SATL1: variants seen among roughly 807,000 people sequenced by gnomAD.
SATL1 encodes spermidine/spermine N(1)-acetyltransferase-like protein 1.
SATL1 carries 47 observed loss-of-function variants against 51.8 expected under a neutral mutation model. The observed-to-expected ratio is 0.91, with a 90% CI of 0.72 to 1.16. The LOEUF is 1.16. Among genes scored for constraint, SATL1 ranks in the 50% most tolerant of loss-of-function variants. The probability of loss-of-function intolerance (pLI) is 0.00; values close to 1 mark genes in which losing one functional copy is unlikely to be tolerated. For missense variants in SATL1, 520 were observed against 526.4 expected (o/e 0.99, Z 0.12); for synonymous variants, 176 against 182.4 (o/e 0.97, Z 0.28).
intron 4 of SATL1, among the ~76,000 whole-genome samples, chrX:85,095,618 A>C (rs1183594187): frequency 1.2e-4 from 13 of 107,408 alleles, no homozygotes; most frequent in Non-Finnish European, 2.3e-4. Context: ...CGAGGTCAGG[A>C]GATCGAGACC....
At chrX:85,092,963 T>C (rs1203504951) in intron 7 of SATL1, 4 of 358,098 alleles carry the variant, frequency 1.1e-5, no homozygotes, top group Admixed American at 5.0e-5. Context: ...AAAGGGTGTA[T>C]AGTGTGGTTG....
At chrX:85,218,282 A>C (rs1043476448) in intron 2 of SATL1, among the ~76,000 whole-genome samples, 40 of 111,772 alleles carry the variant, frequency 3.6e-4, no homozygotes, top group Non-Finnish European at 6.4e-4. Context: ...AACTTAAAAA[A>C]ATAAAATATT....
intron 1 of SATL1, among the ~76,000 whole-genome samples, chrX:85,232,274 C>T (rs780928660): frequency 2.9e-4 from 32 of 110,407 alleles, no homozygotes; most frequent in African/African-American, 8.9e-4. Flanking sequence ...CTGAATGGTG[C>T]CCAGGCAACA....
chrX:85,188,074 T>G (rs1314931545), intron 2 of SATL1, among the ~76,000 whole-genome samples: 1 of 111,704 alleles, frequency 9.0e-6, no homozygotes, highest in Non-Finnish European at 1.9e-5. Context: ...TCGGGTACAT[T>G]TTTAGCATAT....
At chrX:85,095,058 G>C in intron 4 of SATL1, 62 bp from the exon 5 acceptor site, 1 of 617,571 alleles carries the variant, frequency 1.6e-6, no homozygotes, top group East Asian at 3.5e-5. Flanking sequence ...GGAGATGGTG[G>C]ATAGGAAGCA....
intron 4 of SATL1, among the ~76,000 whole-genome samples, chrX:85,101,215 C>A (rs1462158458): frequency 8.9e-6 from 1 of 112,011 alleles, no homozygotes; most frequent in Admixed American, 9.4e-5. Context: ...AAAATAAAAT[C>A]TTTTGTATGT....
chrX:85,116,212 G>T (rs1200899913), intron 2 of SATL1: 1 of 111,312 alleles, frequency 9.0e-6, no homozygotes, highest in East Asian at 2.8e-4. Flanking sequence ...AATCCATGTG[G>T]GTCTGCAGAA....
In SATL1 at chrX:85,127,809, C is replaced by T. The variant is rs191839616; in HGVS notation, c.-312-18529G>A. Among the ~76,000 whole-genome samples, 652 of 110,353 alleles carry T rather than the reference C, an allele frequency of 5.9e-3. 2 individuals are homozygous for T. The highest frequency in any genetic ancestry group is 0.014 in the Middle Eastern group (3 of 216). On this transcript the variant is annotated intron_variant, in intron 2 of 7. Transcript: ENST00000644105. ...ATCCCTCCCCAGTTCCCCCACCCCA[C>T]GACAGGCCCCAGTGTGTGATGTTCC...
intron 2 of SATL1, among the ~76,000 whole-genome samples, chrX:85,133,319 C>T (rs957278823): frequency 1.1e-4 from 12 of 111,907 alleles, no homozygotes; most frequent in Non-Finnish European, 1.9e-4. Context: ...CCACCCAGTT[C>T]GAGCTTCCTG....
At chrX:85,133,420 A>G (rs1000873948) in intron 2 of SATL1, among the ~76,000 whole-genome samples, 3 of 111,545 alleles carry the variant, frequency 2.7e-5, no homozygotes, top group South Asian at 3.7e-4. Flanking sequence ...TTGGACTAGC[A>G]GTGAGCAAGG....
intron 2 of SATL1, chrX:85,210,354 GGAC>G (rs1317251620): frequency 2.0e-5 from 2 of 97,699 alleles, no homozygotes; most frequent in Admixed American, 2.4e-4. Context: ...GTTGGATCAA[GGAC>G]TGGGTTTGGA....
At chrX:85,161,643 A>G (rs1310395158) in intron 2 of SATL1, among the ~76,000 whole-genome samples, 1 of 111,348 alleles carries the variant, frequency 9.0e-6, no homozygotes, top group East Asian at 2.8e-4. Flanking sequence ...TATGCAGCCA[A>G]TACAGAAGCA....
intron 2 of SATL1, among the ~76,000 whole-genome samples, chrX:85,180,137 C>T (rs189067768): frequency 4.1e-4 from 45 of 110,845 alleles, no homozygotes; most frequent in African/African-American, 1.4e-3. Context: ...AATGCTTTAG[C>T]GAGGTCAAAA....
chrX:85,167,977 A>T (rs940432842), intron 2 of SATL1, among the ~76,000 whole-genome samples: 2 of 110,744 alleles, frequency 1.8e-5, no homozygotes, highest in African/African-American at 6.6e-5. Context: ...GGTTCAACAT[A>T]CACAAATCAA....
chrX:85,223,346 G>T (rs1034102132), intron 2 of SATL1, among the ~76,000 whole-genome samples: 1 of 111,209 alleles, frequency 9.0e-6, no homozygotes, highest in East Asian at 2.8e-4. Context: ...TCATTAGACT[G>T]GAAAAAGGAT....
intron 1 of SATL1, among the ~76,000 whole-genome samples, chrX:85,238,758 G>A (rs1396152929): frequency 9.0e-6 from 1 of 111,296 alleles, no homozygotes. Flanking sequence ...CTTGAGATGA[G>A]AGATACTCCA....
At chrX:85,128,216 C>T (rs1037359125) in intron 2 of SATL1, among the ~76,000 whole-genome samples, 7 of 111,511 alleles carry the variant, frequency 6.3e-5, no homozygotes, top group African/African-American at 9.8e-5. Flanking sequence ...CTTGAGGAAT[C>T]GCCACACTGT....
At chrX:85,215,503 T>G (rs1378712715) in intron 2 of SATL1, among the ~76,000 whole-genome samples, 1 of 112,027 alleles carries the variant, frequency 8.9e-6, no homozygotes, top group Admixed American at 9.5e-5. Flanking sequence ...AAATTTCAAC[T>G]TTAGGTCATC....
chrX:85,238,500 T>C (rs1261391207), intron 1 of SATL1, among the ~76,000 whole-genome samples: 1 of 111,269 alleles, frequency 9.0e-6, no homozygotes, highest in Non-Finnish European at 1.9e-5. Context: ...TTGTTGGAGC[T>C]AAAAATTAAA....
Sources: gnomAD v4.1 joint callset for allele counts (sites outside exome capture counted in the v4.1 genomes callset) on GRCh38, gnomAD v4.1.1 for gene constraint, MANE v1.5 for transcripts, NCBI Gene and HGNC (gene_info 2026-07-23, HGNC 2026-07-21) for gene names.